Variants in ASAP1 observed in about 807,000 individuals in gnomAD.
The protein encoded by ASAP1 is ArfGAP with SH3 domain, ankyrin repeat and PH domain 1.
ASAP1 carries 43 observed loss-of-function variants against 145.2 expected under a neutral mutation model. The observed-to-expected ratio is 0.30, with a 90% CI of 0.23 to 0.38. The LOEUF (loss-of-function observed/expected upper bound fraction) is 0.38. ASAP1 is among the 10% of genes least tolerant of loss of function. The pLI is 1.00. For synonymous variants in ASAP1, 546 were observed against 515.5 expected (o/e 1.06, Z -0.80); for missense variants, 1,018 against 1,355.3 (o/e 0.75, Z 3.91).
At chr8:130,070,846 A>G (rs1413265439) in intron 27 of ASAP1, among the ~76,000 whole-genome samples, 1 of 6,028 alleles carries the variant, frequency 1.7e-4, no homozygotes, top group Non-Finnish European at 2.7e-4. Context: ...AGAGGGAGAG[A>G]GGGAGAGAGA....
At chr8:130,301,073 C>A (rs1310616940) in intron 3 of ASAP1, among the ~76,000 whole-genome samples, 1 of 151,968 alleles carries the variant, frequency 6.6e-6, no homozygotes, top group Non-Finnish European at 1.5e-5. Context: ...GGAGATGATG[C>A]CAAAAAGTCC....
At chr8:130,125,586 CTT>C in intron 17 of ASAP1, among the ~76,000 whole-genome samples, 1 of 152,126 alleles carries the variant, frequency 6.6e-6, no homozygotes, top group South Asian at 2.1e-4. Flanking sequence ...GAGATAAACT[CTT>C]TAGTCATTAT....
intron 16 of ASAP1, among the ~76,000 whole-genome samples, chr8:130,126,321 C>T (rs997780459): frequency 2.0e-5 from 3 of 152,170 alleles, no homozygotes; most frequent in African/African-American, 7.2e-5. Flanking sequence ...GTGAGAAAGG[C>T]TTTCCTTAAG....
chr8:130,239,582 T>C (rs1477010049), intron 3 of ASAP1, among the ~76,000 whole-genome samples: 2 of 152,112 alleles, frequency 1.3e-5, no homozygotes. Flanking sequence ...GTGACGACTA[T>C]ATACCAGTTT....
chr8:130,092,042 T>C lies in ASAP1; in HGVS notation c.2503A>G (p.Lys835Glu). The change falls in exon 25 of 30, where the codon AAG (lysine) becomes GAG (glutamate). Residue 835 changes from lysine (K) to glutamate (E), a missense_variant. Physicochemically the swap from Lys to Glu is moderately conservative, Grantham distance 56 (BLOSUM62 1). Transcript: ENST00000518721. ...CTGGGAGGGTCGGATAGGGTTCTCT[T>C]GTGTCCGGGTGGTGGGGGAGGAGGC... ...KRPPPPPPGH[K>E]RTLSDPPSPL... 1 of 1,576,618 alleles carries C rather than the reference T, an allele frequency of 6.3e-7. No individual in the cohort carries two copies. The highest frequency in any genetic ancestry group is 1.1e-5 in the South Asian group (1 of 87,248).
chr8:130,090,365 G>C (rs1269628829), intron 25 of ASAP1, among the ~76,000 whole-genome samples: 2 of 152,216 alleles, frequency 1.3e-5, no homozygotes, highest in South Asian at 4.1e-4. Context: ...GACTTTCATG[G>C]AATGTTATTT....
At chr8:130,106,668 G>C (rs1301981849) in intron 24 of ASAP1, among the ~76,000 whole-genome samples, 1 of 152,216 alleles carries the variant, frequency 6.6e-6, no homozygotes, top group African/African-American at 2.4e-5. Flanking sequence ...TTATGCATCT[G>C]ACGAGTACTG....
At chr8:130,280,973 T>A (rs1222399393) in intron 3 of ASAP1, among the ~76,000 whole-genome samples, 1 of 152,186 alleles carries the variant, frequency 6.6e-6, no homozygotes, top group African/African-American at 2.4e-5. Flanking sequence ...GATTCACTTT[T>A]TCCAAATAAC....
rs34379401 is a variant in ASAP1 at position 130,191,049 on chromosome 8, GTT to G, written c.406-2868_406-2867del. Among the ~76,000 whole-genome samples, 1,350 of 143,974 alleles carry G rather than the reference GTT, an allele frequency of 9.4e-3. 22 individuals are homozygous for G. The highest frequency in any genetic ancestry group is 0.031 in the African/African-American group (1,216 of 38,958). The allele number at this position is 143,974 out of a possible 152,430, so 94.5% of individuals were successfully genotyped here. A position where few individuals can be genotyped will look rare whatever the true frequency, so the allele number is the denominator to read the frequency against. On this transcript the variant is annotated intron_variant, in intron 5 of 29. Transcript: ENST00000518721. ...AAGTGCAATCTATAACCGGGAAATA[GTT>G]TTTTTTTTTTTTTCCACTGCTCTGC...
chr8:130,099,860 A>T (rs2097525633), intron 24 of ASAP1, among the ~76,000 whole-genome samples: 1 of 151,884 alleles, frequency 6.6e-6, no homozygotes, highest in African/African-American at 2.4e-5. Flanking sequence ...ATTCATTTTT[A>T]TGGGAATAAT....
intron 3 of ASAP1, among the ~76,000 whole-genome samples, chr8:130,284,895 G>GAGAGAA (rs1415595332): frequency 2.0e-5 from 3 of 150,510 alleles, no homozygotes; most frequent in Non-Finnish European, 3.0e-5. Flanking sequence ...CTGAGAGAGA[G>GAGAGAA]AGAGAAAGAG....
At chr8:130,072,294 T>C (rs1203993669) in intron 27 of ASAP1, among the ~76,000 whole-genome samples, 8 of 152,306 alleles carry the variant, frequency 5.3e-5, no homozygotes, top group African/African-American at 1.9e-4. Context: ...AATTTCTACA[T>C]GTTGTGGGAG....
intron 15 of ASAP1, among the ~76,000 whole-genome samples, chr8:130,130,643 T>G (rs1318944575): frequency 1.3e-5 from 2 of 152,224 alleles, no homozygotes; most frequent in African/African-American, 4.8e-5. Context: ...AAAAATAACT[T>G]GGCACTGTGC....
At position 130,153,357 on chromosome 8, in the gene ASAP1, ATG is replaced by A. The variant is rs1554834283; in HGVS notation, c.1011-554_1011-553del. 4.7e-3 allele frequency among the ~76,000 whole-genome samples: 186 copies of A among 39,866 alleles called. 3 individuals are homozygous for A. Among genetic ancestry groups the A allele is most frequent in the African/African-American group, 0.012 (153 of 12,480 alleles). 26.2% of individuals were successfully genotyped at this position (39,866 alleles called of 152,430 possible). On this transcript the variant is annotated intron_variant, in intron 12 of 29. Coordinates refer to ENST00000518721, the MANE Select transcript of ASAP1 (RefSeq NM_018482.4). Reference sequence around the variant, plus strand: ...AATATATATATATATATATATATATATGTATATATATATATATATATATATAT... The same window carrying A: ...AATATATATATATATATATATATATATATATATATATATATATATATATAT...
At position 130,127,374 on chromosome 8, in the gene ASAP1, G is replaced by A. The variant is rs544567475; in HGVS notation, c.1381+553C>T. ...TGGGATTACAGGTGCCCGCCACCTC[G>A]CCCAGCTAGTTTTTGTATTTTTAAT... is the stretch of plus-strand genomic sequence containing the variant. On this transcript the variant is annotated intron_variant, in intron 16 of 29. Coordinates refer to ENST00000518721, the MANE Select transcript of ASAP1 (RefSeq NM_018482.4). 1.9e-4 allele frequency among the ~76,000 whole-genome samples: 29 copies of A among 152,100 alleles called. 1 individual carries two copies. The highest frequency in any genetic ancestry group is 1.8e-3 in the Admixed American group (28 of 15,254).
chr8:130,257,282 A>C (rs1263226558), intron 3 of ASAP1, among the ~76,000 whole-genome samples: 4 of 152,180 alleles, frequency 2.6e-5, no homozygotes, highest in African/African-American at 9.6e-5. Flanking sequence ...GAGATTCACC[A>C]AATTACTCTA....
rs569833065 is a variant in ASAP1 at position 130,180,058 on chromosome 8, G to A, written c.660+693C>T. On this transcript the variant is annotated intron_variant, in intron 8 of 29. Coordinates refer to ENST00000518721, the MANE Select transcript of ASAP1 (RefSeq NM_018482.4). Reference sequence around the variant, plus strand: ...GAGGGAAGGAAGGAAGGGAGGGAGGGAGGAGAAGGGGAAGGGGAAGGGGGA... The same window carrying A: ...GAGGGAAGGAAGGAAGGGAGGGAGGAAGGAGAAGGGGAAGGGGAAGGGGGA... 3.5e-5 allele frequency among the ~76,000 whole-genome samples: 5 copies of A among 142,868 alleles called. No homozygotes were observed. In the East Asian group the frequency reaches 1.1e-3, roughly 33 times the overall value. 93.7% of individuals were successfully genotyped at this position (142,868 alleles called of 152,430 possible). A position where few individuals can be genotyped will look rare whatever the true frequency, so the allele number is the denominator to read the frequency against.
chr8:130,406,883 C>G (rs1233570946), intron 1 of ASAP1, among the ~76,000 whole-genome samples: 1 of 152,140 alleles, frequency 6.6e-6, no homozygotes. Context: ...TTTTATGATG[C>G]TATTCCTCTT....
chr8:130,297,065 T>TG (rs1822325506), intron 3 of ASAP1, among the ~76,000 whole-genome samples: 1 of 152,114 alleles, frequency 6.6e-6, no homozygotes, highest in Non-Finnish European at 1.5e-5. Context: ...GACAGCTGTG[T>TG]GGGGGGTTAA....
Sources: gnomAD v4.1 joint callset for allele counts (sites outside exome capture counted in the v4.1 genomes callset) on GRCh38, gnomAD v4.1.1 for gene constraint, MANE v1.5 for transcripts, NCBI Gene and HGNC (gene_info 2026-07-23, HGNC 2026-07-21) for gene names.